TRMT61B: variants seen among roughly 807,000 people sequenced by gnomAD.
The protein encoded by TRMT61B is tRNA methyltransferase 61B, also known as tRNA (adenine(58)-N(1))-methyltransferase, mitochondrial.
Under a neutral mutation model 52.0 loss-of-function variants are expected in TRMT61B, and 56 were observed. The ratio of observed to expected loss-of-function variants is 1.08; its 90% CI spans 0.87 to 1.35. The LOEUF (loss-of-function observed/expected upper bound fraction) is 1.35, where lower values mean the gene tolerates loss of function less well. TRMT61B is among the 40% of genes most tolerant of loss of function. The probability of loss-of-function intolerance (pLI) is 0.00; values close to 1 mark genes in which losing one functional copy is unlikely to be tolerated. For missense variants in TRMT61B, 650 were observed against 577.9 expected (o/e 1.12, Z -1.28); for synonymous variants, 206 against 220.0 (o/e 0.94, Z 0.56).
chr2:28,851,158 A>G lies in TRMT61B; in HGVS notation c.1226T>C (p.Val409Ala). ...KQKNGILAQK[V>A]ESKINTDVQL... ...TACATCTGTGTTGATTTTAGATTCT[A>G]CTTTTTGAGCTAAAATTCCATTTTT... Residue 409 changes from valine (V) to alanine (A), a missense_variant, in exon 5 of 7, where the codon GTA (valine) becomes GCA (alanine). By Grantham distance (64) the Val-to-Ala change is moderately conservative. Coordinates refer to ENST00000306108, the MANE Select transcript of TRMT61B (RefSeq NM_017910.4). The G allele has an allele frequency of 2.5e-6, 4 of 1,613,650 alleles. No individual in the cohort carries two copies. Among genetic ancestry groups the G allele is most frequent in the Non-Finnish European group, 3.4e-6 (4 of 1,179,886 alleles).
chr2:28,870,181 C>G lies in TRMT61B; in HGVS notation c.97G>C (p.Glu33Gln). 1 of 1,613,354 alleles carries G rather than the reference C, an allele frequency of 6.2e-7. No individual in the cohort carries two copies. The highest frequency in any genetic ancestry group is 1.1e-5 in the South Asian group (1 of 91,082). ...CTGCAACACAGTGACCGAGCTCCCT[C>G]GAAGGGCTCCTGCCCCAGGCCGTGC... Reference protein sequence around the residue: ...FLHGLGQEPFEGARSLCCRSS... With the variant: ...FLHGLGQEPFQGARSLCCRSS... The change falls in exon 1 of 7, where the codon GAG (glutamate) becomes CAG (glutamine). Residue 33 changes from glutamate to glutamine, a missense_variant. By Grantham distance (29) the Glu-to-Gln change is conservative. Coordinates refer to ENST00000306108, the MANE Select transcript of TRMT61B (RefSeq NM_017910.4).
rs1669471267 is a variant in TRMT61B, at chr2:28,858,916, T to TA, written c.993+2201dup. Among the ~76,000 whole-genome samples the TA allele has an allele frequency of 2.0e-5, 3 of 151,492 alleles. No homozygotes were observed. In the South Asian group the frequency reaches 6.2e-4, roughly 32 times the overall value. On this transcript the variant is annotated intron_variant, in intron 3 of 6. Transcript: ENST00000306108. ...TATTTCTTTTCTGTTTTTTTTGAGA[T>TA]AGAGTCTTGCTCTGTCTCCCAGGCT...
chr2:28,852,365 A>C lies in TRMT61B; in HGVS notation c.1085+43T>G, dbSNP rs200614848. The C allele has an allele frequency of 1.8e-4, 202 of 1,140,574 alleles. No homozygotes were observed. The East Asian group carries it at 4.0e-3, about 23-fold the overall frequency. 70.7% of individuals were successfully genotyped at this position (1,140,574 alleles called of 1,614,324 possible). On this transcript the variant is annotated intron_variant, in intron 4 of 6. Coordinates refer to ENST00000306108, the MANE Select transcript of TRMT61B (RefSeq NM_017910.4). ...TAGTTTGATACTTAAGCAAAAGTGC[A>C]CTTAAAAGTTACATTACAAAGAAAA...
chr2:28,859,686 G>C (rs1390996322), intron 3 of TRMT61B, among the ~76,000 whole-genome samples: 1 of 151,950 alleles, frequency 6.6e-6, no homozygotes. Flanking sequence ...AAAAAAGAGT[G>C]TTCTTTTTAG....
intron 3 of TRMT61B, among the ~76,000 whole-genome samples, chr2:28,854,431 C>A (rs1186782462): frequency 2.6e-5 from 4 of 151,966 alleles, no homozygotes; most frequent in East Asian, 1.9e-4. Context: ...CACAGTGAGA[C>A]CCCGCATTTA....
intron 1 of TRMT61B, among the ~76,000 whole-genome samples, chr2:28,869,300 G>A (rs1303961789): frequency 6.6e-6 from 1 of 152,090 alleles, no homozygotes; most frequent in African/African-American, 2.4e-5. Flanking sequence ...TATGTACGTA[G>A]TGAGTTCACA....
chr2:28,859,470 G>C (rs1451787712), intron 3 of TRMT61B, among the ~76,000 whole-genome samples: 1 of 152,034 alleles, frequency 6.6e-6, no homozygotes, highest in Non-Finnish European at 1.5e-5. Context: ...TTTTAGAAAC[G>C]TTCTTAAGAA....
At chr2:28,867,911 G>A (rs1401319869) in intron 1 of TRMT61B, among the ~76,000 whole-genome samples, 1 of 151,978 alleles carries the variant, frequency 6.6e-6, no homozygotes, top group Non-Finnish European at 1.5e-5. Context: ...GATTAGCTAG[G>A]CATAGTGGCA....
At chr2:28,859,095 T>C (rs1436684023) in intron 3 of TRMT61B, among the ~76,000 whole-genome samples, 1 of 151,398 alleles carries the variant, frequency 6.6e-6, no homozygotes, top group African/African-American at 2.4e-5. Context: ...TTCTTTCTTT[T>C]TTGAGATGCA....
At chr2:28,865,912 C>G (rs1278291021) in intron 1 of TRMT61B, among the ~76,000 whole-genome samples, 6 of 146,224 alleles carry the variant, frequency 4.1e-5, no homozygotes, top group Non-Finnish European at 6.0e-5. Flanking sequence ...AACTCCTGAC[C>G]TCAGGTGATC....
At position 28,850,143 on chromosome 2, in the gene TRMT61B, A is replaced by C; in HGVS notation, c.*56T>G. 6.7e-7 allele frequency: 1 copy of C among 1,488,250 alleles called. No individual in the cohort carries two copies. Among genetic ancestry groups the C allele is most frequent in the Non-Finnish European group, 9.3e-7 (1 of 1,079,186 alleles). The allele number at this position is 1,488,250 out of a possible 1,614,324, so 92.2% of individuals were successfully genotyped here. ...CTATGGAAGCAGTGATTTTCAATAT[A>C]AAGTTCTATTTTGATATTTTTCCAT... is the stretch of plus-strand genomic sequence containing the variant. On this transcript the variant is annotated 3_prime_UTR_variant, in exon 7 of 7. Coordinates refer to ENST00000306108, the MANE Select transcript of TRMT61B (RefSeq NM_017910.4).
chr2:28,862,726 C>T (rs148550761), intron 2 of TRMT61B, among the ~76,000 whole-genome samples: 76 of 151,540 alleles, frequency 5.0e-4, no homozygotes, highest in Non-Finnish European at 9.4e-4. Context: ...TACAGTGGCT[C>T]GCCACAGTAA....
At chr2:28,859,674 C>A (rs1012654977) in intron 3 of TRMT61B, among the ~76,000 whole-genome samples, 6 of 151,986 alleles carry the variant, frequency 3.9e-5, no homozygotes. Context: ...CTGAATAAAT[C>A]TAAAAAAGAG....
At position 28,858,951 on chromosome 2, in the gene TRMT61B, T is replaced by A. The variant is rs576165133; in HGVS notation, c.993+2167A>T. Among the ~76,000 whole-genome samples the A allele has an allele frequency of 1.6e-4, 24 of 151,546 alleles. No individual in the cohort carries two copies. In the South Asian group the frequency reaches 5.0e-3, roughly 32 times the overall value. On this transcript the variant is annotated intron_variant, in intron 3 of 6. Coordinates refer to ENST00000306108, the MANE Select transcript of TRMT61B (RefSeq NM_017910.4). The stretch of plus-strand genomic sequence containing the variant: ...CTCTGTCTCCCAGGCTGGAGTGCAG[T>A]GGCGCAAATCTTGGCTCACTGGAAC...
intron 1 of TRMT61B, among the ~76,000 whole-genome samples, chr2:28,865,740 G>A (rs958265492): frequency 1.4e-5 from 2 of 144,332 alleles, no homozygotes; most frequent in African/African-American, 2.6e-5. Flanking sequence ...GAGTGTGATG[G>A]CACGATCTTG....
intron 2 of TRMT61B, among the ~76,000 whole-genome samples, chr2:28,863,914 A>G (rs963908427): frequency 6.6e-6 from 1 of 152,172 alleles, no homozygotes; most frequent in African/African-American, 2.4e-5. Flanking sequence ...CACTGCACAG[A>G]CAGACCACCC....
rs1403056619 is a variant in TRMT61B, at chr2:28,870,286, G to A, written c.-9C>T. ...CACCATGCCATTAGCATAGTGTTTC[G>A]CGAAGGCGCCGTCGCAGACGAGTGA... On this transcript the variant is annotated 5_prime_UTR_variant, in exon 1 of 7. Coordinates refer to ENST00000306108, the MANE Select transcript of TRMT61B (RefSeq NM_017910.4). 6.5e-7 allele frequency: 1 copy of A among 1,536,934 alleles called. No individual in the cohort carries two copies. The highest frequency in any genetic ancestry group is 1.8e-4 in the Middle Eastern group (1 of 5,688).
chr2:28,862,901 T>A (rs1249544688), intron 2 of TRMT61B, among the ~76,000 whole-genome samples: 1 of 147,970 alleles, frequency 6.8e-6, no homozygotes, highest in Non-Finnish European at 1.5e-5. Context: ...TGTGTGTGTA[T>A]GTGAAGAACT....
At chr2:28,855,601 G>A (rs1669306836) in intron 3 of TRMT61B, among the ~76,000 whole-genome samples, 1 of 152,174 alleles carries the variant, frequency 6.6e-6, no homozygotes, top group South Asian at 2.1e-4. Flanking sequence ...GGAAAATGAT[G>A]AAGATTATGG....
Sources: allele counts gnomAD v4.1 joint callset (sites outside exome capture counted in the v4.1 genomes callset), GRCh38; gene constraint gnomAD v4.1.1; transcripts MANE v1.5; gene names NCBI Gene and HGNC (gene_info 2026-07-23, HGNC 2026-07-21).